Variants in MALRD1 observed in about 807,000 individuals in gnomAD.
MALRD1 encodes the protein MAM and LDL receptor class A domain containing 1, also known as MAM and LDL-receptor class A domain-containing protein 1.
A neutral mutation model predicts 242.1 loss-of-function variants in MALRD1; 247 were observed. The ratio of observed to expected loss-of-function variants is 1.02; its 90% CI spans 0.92 to 1.13. The LOEUF is 1.13. Ranked by LOEUF, MALRD1 falls within the 50% of genes most tolerant of loss-of-function variation. The pLI is 0.00. For missense variants in MALRD1, 2,989 were observed against 2,533.1 expected (o/e 1.18, Z -3.86); for synonymous variants, 995 against 866.6 (o/e 1.15, Z -2.60).
Position 19,389,314 on chromosome 10 carries a change from C to G in MALRD1, c.4688-138C>G, listed in dbSNP as rs375180412. ...GCTAGAGGCGAGGCTATTAGATTTT[C>G]TTTCTGTTCCAAATGAAAATACTTT... is the stretch of plus-strand genomic sequence containing the variant. On this transcript the variant is annotated intron_variant, in intron 27 of 39. Coordinates refer to ENST00000454679, the MANE Select transcript of MALRD1 (RefSeq NM_001142308.3). 4.1e-6 allele frequency: 4 copies of G among 968,074 alleles called. No homozygotes were observed. In the South Asian group the frequency reaches 5.6e-5, roughly 13 times the overall value. 60.0% of individuals were successfully genotyped at this position (968,074 alleles called of 1,614,324 possible).
intron 28 of MALRD1, among the ~76,000 whole-genome samples, chr10:19,430,898 T>G (rs918928114): frequency 2.0e-5 from 3 of 152,182 alleles, no homozygotes; most frequent in Admixed American, 6.5e-5. Context: ...AATAGAAGGG[T>G]GCCTAATGTA....
chr10:19,367,635 T>C (rs1845164021), intron 26 of MALRD1, among the ~76,000 whole-genome samples: 1 of 152,108 alleles, frequency 6.6e-6, no homozygotes, highest in South Asian at 2.1e-4. Flanking sequence ...TAAATGCCCA[T>C]GGGGGAATTG....
intron 29 of MALRD1, among the ~76,000 whole-genome samples, chr10:19,475,216 C>A (rs1376562143): frequency 2.0e-5 from 3 of 152,122 alleles, no homozygotes; most frequent in Admixed American, 6.5e-5. Context: ...GAGATCGAGA[C>A]CATGCTGGCT....
chr10:19,519,792 A>T lies in MALRD1; in HGVS notation c.5321-11402A>T, dbSNP rs572668883. 2.0e-5 allele frequency among the ~76,000 whole-genome samples: 3 copies of T among 152,142 alleles called. No individual in the cohort carries two copies. In the South Asian group the frequency reaches 6.2e-4, roughly 31 times the overall value. ...CAACAATAACAAAAAACTGGTTCTG[A>T]TATTTTCTAATTATTATATTTGTTC... On this transcript the variant is annotated intron_variant, in intron 31 of 39. Coordinates refer to ENST00000454679, the MANE Select transcript of MALRD1 (RefSeq NM_001142308.3).
chr10:19,641,626 G>A (rs1359488885), intron 36 of MALRD1, among the ~76,000 whole-genome samples: 1 of 152,014 alleles, frequency 6.6e-6, no homozygotes, highest in African/African-American at 2.4e-5. Context: ...TTCAGAAACC[G>A]TTTGTTATAT....
At chr10:19,549,284 C>T (rs960730029) in intron 32 of MALRD1, among the ~76,000 whole-genome samples, 6 of 152,194 alleles carry the variant, frequency 3.9e-5, no homozygotes, top group African/African-American at 1.4e-4. Flanking sequence ...CTTGATAAAG[C>T]CGCAGCAGGT....
At chr10:19,238,455 TAA>T (rs1564492476) in intron 18 of MALRD1, among the ~76,000 whole-genome samples, 721 of 47,612 alleles carry the variant, frequency 0.015, 86 homozygotes, top group African/African-American at 0.07. Flanking sequence ...ACATTATATA[TAA>T]TATATAATAT....
At chr10:19,316,517 C>G (rs1185826350) in intron 21 of MALRD1, among the ~76,000 whole-genome samples, 2 of 151,838 alleles carry the variant, frequency 1.3e-5, no homozygotes, top group Non-Finnish European at 1.5e-5. Context: ...CACACCAGAA[C>G]TCTGATTGGT....
intron 33 of MALRD1, among the ~76,000 whole-genome samples, chr10:19,590,017 T>C (rs777507516): frequency 2.0e-5 from 3 of 152,102 alleles, no homozygotes; most frequent in Non-Finnish European, 4.4e-5. Flanking sequence ...GCCTTACACC[T>C]CAATGCCATT....
chr10:19,595,941 G>T (rs375118044), intron 34 of MALRD1, among the ~76,000 whole-genome samples: 3 of 152,182 alleles, frequency 2.0e-5, no homozygotes, highest in African/African-American at 7.2e-5. Flanking sequence ...ATGTCATTAA[G>T]AGTTCATGGG....
chr10:19,256,010 A>G (rs1000949129), intron 18 of MALRD1, among the ~76,000 whole-genome samples: 10 of 152,204 alleles, frequency 6.6e-5, no homozygotes, highest in Non-Finnish European at 1.3e-4. Context: ...GGAGCTATGA[A>G]TGTGTATATA....
chr10:19,374,655 A>G (rs1278660892), intron 26 of MALRD1, among the ~76,000 whole-genome samples: 2 of 152,228 alleles, frequency 1.3e-5, no homozygotes, highest in East Asian at 1.9e-4. Flanking sequence ...TCAAGATTCA[A>G]GCAACTCAGT....
chr10:19,719,028 C>A (rs73597604), intron 38 of MALRD1, among the ~76,000 whole-genome samples: 1 of 150,164 alleles, frequency 6.7e-6, no homozygotes, highest in African/African-American at 2.5e-5. Flanking sequence ...CTGGTCATGG[C>A]GGTACGTGGC....
chr10:19,260,049 A>T (rs1256120408), intron 19 of MALRD1, among the ~76,000 whole-genome samples: 3 of 152,214 alleles, frequency 2.0e-5, no homozygotes, highest in African/African-American at 7.2e-5. Context: ...ATGGATAAGT[A>T]GGTAGAGGAA....
intron 11 of MALRD1, among the ~76,000 whole-genome samples, chr10:19,148,725 A>G (rs2131446706): frequency 6.7e-6 from 1 of 149,012 alleles, no homozygotes; most frequent in South Asian, 2.1e-4. Flanking sequence ...TCTCACCCAG[A>G]GTGTGAGGGA....
chr10:19,514,611 G>T (rs145678420), intron 31 of MALRD1, among the ~76,000 whole-genome samples: 2 of 152,180 alleles, frequency 1.3e-5, no homozygotes, highest in South Asian at 4.2e-4. Flanking sequence ...TAACTAGAGT[G>T]ATAATTAAAA....
chr10:19,535,713 A>G (rs1451720856), intron 32 of MALRD1, among the ~76,000 whole-genome samples: 4 of 152,096 alleles, frequency 2.6e-5, no homozygotes, highest in African/African-American at 7.2e-5. Flanking sequence ...TAATTTTTCT[A>G]CATGAAACTT....
At chr10:19,215,772 A>G (rs1252833836) in intron 18 of MALRD1, among the ~76,000 whole-genome samples, 2 of 52,410 alleles carry the variant, frequency 3.8e-5, no homozygotes, top group East Asian at 8.2e-4. Context: ...CAAATAATTT[A>G]GTATAATTAG....
chr10:19,239,240 A>G (rs962640166), intron 18 of MALRD1, among the ~76,000 whole-genome samples: 8 of 152,098 alleles, frequency 5.3e-5, no homozygotes, highest in Admixed American at 5.2e-4. Context: ...TTGTATTTTT[A>G]GTAGAGAAAT....
Sources: allele counts gnomAD v4.1 joint callset (sites outside exome capture counted in the v4.1 genomes callset), GRCh38; gene constraint gnomAD v4.1.1; transcripts MANE v1.5; gene names NCBI Gene and HGNC (gene_info 2026-07-23, HGNC 2026-07-21).